The following REC114 variants were observed in gnomAD, a reference collection of about 807,000 sequenced individuals.
REC114 encodes the protein meiotic recombination protein REC114.
A neutral mutation model predicts 31.3 loss-of-function variants in REC114; 27 were observed. The ratio of observed to expected loss-of-function variants is 0.86; its 90% confidence interval spans 0.64 to 1.19. REC114 has a LOEUF of 1.19. REC114 is among the 50% of genes most tolerant of loss of function. The probability of loss-of-function intolerance (pLI) is 0.00; values close to 1 mark genes in which losing one functional copy is unlikely to be tolerated. For synonymous variants in REC114, 134 were observed against 127.7 expected, an observed-to-expected ratio of 1.05 and a Z score of -0.33; for missense variants, 344 against 326.9, an observed-to-expected ratio of 1.05 and a Z score of -0.40.
chr15:73,462,530 A>C (rs977798823), intron 1 of REC114, among the ~76,000 whole-genome samples: 1 of 152,178 alleles, frequency 6.6e-6, no homozygotes, highest in Non-Finnish European at 1.5e-5. Flanking sequence ...AAGCATTTCA[A>C]ACATAATCAA....
chr15:73,502,255 T>C (rs931724834), intron 2 of REC114, among the ~76,000 whole-genome samples: 1 of 151,930 alleles, frequency 6.6e-6, no homozygotes, highest in African/African-American at 2.4e-5. Context: ...ACACATCTTA[T>C]AGAAAAAAAA....
intron 5 of REC114, among the ~76,000 whole-genome samples, chr15:73,559,534 T>C (rs184413229): frequency 9.2e-4 from 140 of 152,350 alleles, no homozygotes; most frequent in African/African-American, 3.3e-3. Flanking sequence ...GGCAACAAGA[T>C]TATCTCACAT....
chr15:73,452,304 G>C (rs962208139), intron 1 of REC114, among the ~76,000 whole-genome samples: 1 of 152,120 alleles, frequency 6.6e-6, no homozygotes, highest in Non-Finnish European at 1.5e-5. Context: ...TATAAAATCA[G>C]TGTGCAAAAA....
At chr15:73,449,627 A>G (rs1892816985) in intron 1 of REC114, among the ~76,000 whole-genome samples, 1 of 152,204 alleles carries the variant, frequency 6.6e-6, no homozygotes, top group Admixed American at 6.5e-5. Context: ...CAACATTCAA[A>G]TTCAGGAAAT....
At position 73,470,096 on chromosome 15, in the gene REC114, T is replaced by C. The variant is rs528908697; in HGVS notation, c.160-3736T>C. 6.6e-5 allele frequency among the ~76,000 whole-genome samples: 10 copies of C among 152,320 alleles called. No homozygotes were observed. In the East Asian group the frequency reaches 1.5e-3, roughly 23 times the overall value. On this transcript the variant is annotated intron_variant, in intron 1 of 5. Transcript: ENST00000331090. ...CCAATCTGACAACCTCTGCCTTTAA[T>C]TGAGGTGTTTACATTTAAATGTACT... is the stretch of plus-strand genomic sequence containing the variant.
In REC114 at chr15:73,491,323, AG is replaced by A. The variant is rs1387701123; in HGVS notation, c.249+17403del. Among the ~76,000 whole-genome samples the A allele has an allele frequency of 1.2e-3, 18 of 15,490 alleles. 1 individual carries two copies. Among genetic ancestry groups the A allele is most frequent in the African/African-American group, 3.0e-3 (18 of 6,048 alleles). 10.2% of individuals were successfully genotyped at this position (15,490 alleles called of 152,430 possible). A position where few individuals can be genotyped will look rare whatever the true frequency, so the allele number is the denominator to read the frequency against. Reference sequence around the variant, plus strand: ...TTCTTAATTTCTTTTTGTATATATAAGTATTTGTGTATTATCTTAATTTCTT... The same window carrying A: ...TTCTTAATTTCTTTTTGTATATATAATATTTGTGTATTATCTTAATTTCTT... On this transcript the variant is annotated intron_variant, in intron 2 of 5. Transcript: ENST00000331090.
chr15:73,559,932 T>C lies in REC114; in HGVS notation c.*16T>C, dbSNP rs1894560149. The C allele has an allele frequency of 6.4e-7, 1 of 1,568,422 alleles. No homozygotes were observed. The highest frequency in any genetic ancestry group is 1.4e-5 in the African/African-American group (1 of 71,292). On this transcript the variant is annotated 3_prime_UTR_variant, in exon 6 of 6. Coordinates refer to ENST00000331090, the MANE Select transcript of REC114 (RefSeq NM_001042367.2). ...GAGAAATTAATGCTCTATATACATATATAACTAAGGAACTTCAAAGTATTG... is the reference window on the plus strand; with the variant it reads ...GAGAAATTAATGCTCTATATACATACATAACTAAGGAACTTCAAAGTATTG...
intron 5 of REC114, among the ~76,000 whole-genome samples, chr15:73,557,037 T>C (rs1472896350): frequency 3.3e-5 from 5 of 151,292 alleles, no homozygotes; most frequent in Non-Finnish European, 7.4e-5. Context: ...GAATTCTGTG[T>C]GAAGTTCATC....
intron 5 of REC114, among the ~76,000 whole-genome samples, chr15:73,558,781 C>T (rs1032283906): frequency 3.3e-5 from 5 of 152,190 alleles, no homozygotes; most frequent in African/African-American, 1.2e-4. Flanking sequence ...TATACACTCA[C>T]CACATGACTC....
chr15:73,466,779 T>C (rs1168931901), intron 1 of REC114, among the ~76,000 whole-genome samples: 1 of 152,226 alleles, frequency 6.6e-6, no homozygotes, highest in African/African-American at 2.4e-5. Context: ...ATCTTGCTAT[T>C]TACACTTGCA....
intron 1 of REC114, among the ~76,000 whole-genome samples, chr15:73,458,775 C>G (rs796611675): frequency 3.9e-5 from 6 of 152,306 alleles, no homozygotes; most frequent in African/African-American, 1.4e-4. Flanking sequence ...ATGACACTTT[C>G]CTAGAGCACA....
At chr15:73,466,633 T>C (rs1417348514) in intron 1 of REC114, among the ~76,000 whole-genome samples, 1 of 152,214 alleles carries the variant, frequency 6.6e-6, no homozygotes, top group African/African-American at 2.4e-5. Flanking sequence ...AAATTGTTGA[T>C]ATGTTTTATC....
chr15:73,484,715 G>T (rs777298093), intron 2 of REC114, among the ~76,000 whole-genome samples: 2 of 152,118 alleles, frequency 1.3e-5, no homozygotes, highest in Non-Finnish European at 2.9e-5. Context: ...TTTTATCTCA[G>T]TTGGCTTTGG....
At chr15:73,556,414 A>C (rs370984609) in intron 5 of REC114, 23 bp downstream of exon 5, 4 of 1,596,564 alleles carry the variant, frequency 2.5e-6, no homozygotes, top group Non-Finnish European at 3.4e-6. Context: ...TCTGTGTTCA[A>C]TTTTCTTGTC....
rs1894563072 is a variant in REC114, at chr15:73,559,969, C to G, written c.*53C>G. 2 of 1,434,530 alleles carry G rather than the reference C, an allele frequency of 1.4e-6. No individual in the cohort carries two copies. Among genetic ancestry groups the G allele is most frequent in the Non-Finnish European group, 1.9e-6 (2 of 1,067,086 alleles). 88.9% of individuals were successfully genotyped at this position (1,434,530 alleles called of 1,614,324 possible). A position where few individuals can be genotyped will look rare whatever the true frequency, so the allele number is the denominator to read the frequency against. On this transcript the variant is annotated 3_prime_UTR_variant, in exon 6 of 6. Coordinates refer to ENST00000331090, the MANE Select transcript of REC114 (RefSeq NM_001042367.2). ...ACTTCAAAGTATTGAAAAATGCTTC[C>G]TCCTAAAATTAAAGAAGATATTAGA...
At chr15:73,536,387 A>G (rs1184191448) in intron 2 of REC114, among the ~76,000 whole-genome samples, 1 of 152,142 alleles carries the variant, frequency 6.6e-6, no homozygotes, top group East Asian at 1.9e-4. Context: ...ATTTTGACAC[A>G]TTTCCCCCTC....
intron 2 of REC114, among the ~76,000 whole-genome samples, chr15:73,522,009 C>G (rs1466480120): frequency 6.6e-6 from 1 of 152,072 alleles, no homozygotes; most frequent in East Asian, 1.9e-4. Flanking sequence ...GCTAGGGTAG[C>G]TTAATGTTTA....
chr15:73,510,194 C>T (rs1893742269), intron 2 of REC114, among the ~76,000 whole-genome samples: 1 of 152,110 alleles, frequency 6.6e-6, no homozygotes, highest in Non-Finnish European at 1.5e-5. Flanking sequence ...ATTTTATTCT[C>T]TTTGAAGCAA....
At chr15:73,461,091 A>G (rs1002952307) in intron 1 of REC114, among the ~76,000 whole-genome samples, 51 of 151,246 alleles carry the variant, frequency 3.4e-4, no homozygotes, top group African/African-American at 1.2e-3. Flanking sequence ...AGTTCTCTAT[A>G]TATATGATTA....
Sources: allele counts gnomAD v4.1 joint callset (sites outside exome capture counted in the v4.1 genomes callset), GRCh38; gene constraint gnomAD v4.1.1; transcripts MANE v1.5; gene names NCBI Gene and HGNC (gene_info 2026-07-23, HGNC 2026-07-21).